The following CRIM1 variants were observed in gnomAD, a reference collection of about 807,000 sequenced individuals.
CRIM1 encodes cysteine rich transmembrane BMP regulator 1, also known as cysteine-rich motor neuron 1 protein.
A neutral mutation model predicts 116.4 loss-of-function variants in CRIM1; 32 were observed. That is an observed-to-expected ratio of 0.27 (90% CI 0.21 to 0.37). The LOEUF (loss-of-function observed/expected upper bound fraction) is 0.37, where lower values mean the gene tolerates loss of function less well. Ranked by LOEUF, CRIM1 falls within the 10% of genes least tolerant of loss-of-function variation. The pLI is 1.00. For synonymous variants in CRIM1, 590 were observed against 509.2 expected (o/e 1.16, Z -2.13); for missense variants, 1,331 against 1,354.8 (o/e 0.98, Z 0.28).
chr2:36,415,614 A>G (rs1346049156), intron 2 of CRIM1, among the ~76,000 whole-genome samples: 1 of 152,162 alleles, frequency 6.6e-6, no homozygotes, highest in Non-Finnish European at 1.5e-5. Context: ...TATTTCAGGC[A>G]TGATTATCGT....
intron 1 of CRIM1, among the ~76,000 whole-genome samples, chr2:36,390,517 G>T (rs1033213608): frequency 2.6e-5 from 4 of 152,116 alleles, no homozygotes; most frequent in Non-Finnish European, 5.9e-5. Flanking sequence ...ATGTGGAACG[G>T]TGTTACCAGA....
At chr2:36,546,559 A>G (rs1346152495) in intron 15 of CRIM1, among the ~76,000 whole-genome samples, 1 of 152,282 alleles carries the variant, frequency 6.6e-6, no homozygotes, top group African/African-American at 2.4e-5. Flanking sequence ...ATAGTAAAAG[A>G]ACATACTTTG....
At chr2:36,379,773 G>T in intron 1 of CRIM1, among the ~76,000 whole-genome samples, 1 of 115,866 alleles carries the variant, frequency 8.6e-6, no homozygotes, top group East Asian at 2.7e-4. Flanking sequence ...TTAAAGAAAA[G>T]CAATTGCTTA....
At chr2:36,540,539 G>C (rs945737157) in intron 14 of CRIM1, among the ~76,000 whole-genome samples, 5 of 152,174 alleles carry the variant, frequency 3.3e-5, no homozygotes, top group African/African-American at 1.2e-4. Flanking sequence ...GTCAAGGCCA[G>C]TGCCTCTGGA....
At chr2:36,468,130 A>G (rs911327800) in intron 5 of CRIM1, among the ~76,000 whole-genome samples, 3 of 152,262 alleles carry the variant, frequency 2.0e-5, no homozygotes, top group African/African-American at 4.8e-5. Context: ...ACCCCAGTTC[A>G]GAAGACTGTG....
intron 2 of CRIM1, among the ~76,000 whole-genome samples, chr2:36,403,370 A>G (rs531518812): frequency 4.1e-4 from 62 of 152,348 alleles, no homozygotes; most frequent in African/African-American, 1.5e-3. Flanking sequence ...AAAATAGACA[A>G]TCAAAAATTG....
intron 4 of CRIM1, among the ~76,000 whole-genome samples, chr2:36,443,018 T>C (rs1383944333): frequency 6.6e-6 from 1 of 152,112 alleles, no homozygotes; most frequent in Admixed American, 6.5e-5. Flanking sequence ...TGCCCCTCTG[T>C]ATATAGATAG....
intron 8 of CRIM1, among the ~76,000 whole-genome samples, chr2:36,505,913 T>A (rs1394775836): frequency 6.6e-6 from 1 of 152,200 alleles, no homozygotes; most frequent in African/African-American, 2.4e-5. Context: ...GCAGGCTCAC[T>A]GAACGCTGTT....
At chr2:36,529,052 C>T (rs1181393558) in intron 13 of CRIM1, 8 of 468,498 alleles carry the variant, frequency 1.7e-5, no homozygotes, top group Non-Finnish European at 3.1e-5. Context: ...TCCAGCCCCA[C>T]GTTCTTAATT....
At chr2:36,394,095 A>G (rs1196288874) in intron 1 of CRIM1, among the ~76,000 whole-genome samples, 7 of 152,162 alleles carry the variant, frequency 4.6e-5, no homozygotes, top group African/African-American at 1.7e-4. Context: ...TCCAGTTAGA[A>G]TGGTGGGAAG....
chr2:36,483,935 C>A (rs1362829739), intron 7 of CRIM1, among the ~76,000 whole-genome samples: 1 of 152,188 alleles, frequency 6.6e-6, no homozygotes. Context: ...ATGCTTATCA[C>A]TGAAAACACA....
intron 2 of CRIM1, among the ~76,000 whole-genome samples, chr2:36,418,787 T>C (rs1673824071): frequency 6.6e-6 from 1 of 152,192 alleles, no homozygotes; most frequent in African/African-American, 2.4e-5. Context: ...AAAAGTTTTG[T>C]TTCCACTGGG....
chr2:36,442,559 C>G, intron 3 of CRIM1, 56 bp from the exon 4 acceptor site: 1 of 1,608,360 alleles, frequency 6.2e-7, no homozygotes, highest in Non-Finnish European at 8.5e-7. Flanking sequence ...CATTTAGGGA[C>G]TCCAAAAGCA....
rs767166075 is a variant in CRIM1, at chr2:36,396,723, C to T, written c.441C>T (p.Thr147=). The change falls in exon 2 of 17, where the codon ACC becomes ACT. Residue 147 remains threonine, a synonymous_variant. Transcript: ENST00000280527. ...NGKCECNTIR[T]CSNPFEFPSQ... ...AATGTGAATGTAACACCATTCGAACCTGCAGCAATCCCTTTGAGTTTCCAA... is the reference window on the plus strand; with the variant it reads ...AATGTGAATGTAACACCATTCGAACTTGCAGCAATCCCTTTGAGTTTCCAA... The T allele has an allele frequency of 3.1e-6, 5 of 1,613,766 alleles. No individual in the cohort carries two copies. The highest frequency in any genetic ancestry group is 3.4e-6 in the Non-Finnish European group (4 of 1,179,682).
At chr2:36,373,921 CA>C (rs938417993) in intron 1 of CRIM1, among the ~76,000 whole-genome samples, 17 of 151,008 alleles carry the variant, frequency 1.1e-4, no homozygotes, top group Admixed American at 4.0e-4. Flanking sequence ...TCCAACAGAA[CA>C]AAAAAAAATC....
intron 12 of CRIM1, among the ~76,000 whole-genome samples, chr2:36,518,312 GC>G (rs1558394116): frequency 6.6e-6 from 1 of 151,974 alleles, no homozygotes; most frequent in Non-Finnish European, 1.5e-5. Flanking sequence ...TGTTGTTGTT[GC>G]TTCTTATTCC....
intron 12 of CRIM1, among the ~76,000 whole-genome samples, chr2:36,520,091 G>T (rs994468449): frequency 2.0e-5 from 3 of 152,142 alleles, no homozygotes; most frequent in Admixed American, 2.0e-4. Flanking sequence ...TGACATTGTC[G>T]GTCAGGGTTG....
intron 7 of CRIM1, among the ~76,000 whole-genome samples, chr2:36,498,938 T>G (rs958995114): frequency 6.6e-6 from 1 of 152,232 alleles, no homozygotes; most frequent in African/African-American, 2.4e-5. Flanking sequence ...CTCGTCTGCT[T>G]CCAGTAGTGG....
chr2:36,364,857 A>G (rs1051848692), intron 1 of CRIM1, among the ~76,000 whole-genome samples: 4 of 152,022 alleles, frequency 2.6e-5, no homozygotes, highest in Admixed American at 6.5e-5. Context: ...TATAGTATGT[A>G]TGTGTATATG....
Sources: allele counts gnomAD v4.1 joint callset (sites outside exome capture counted in the v4.1 genomes callset), GRCh38; gene constraint gnomAD v4.1.1; transcripts MANE v1.5; gene names NCBI Gene and HGNC (gene_info 2026-07-23, HGNC 2026-07-21).